GLB1L2: variants seen among roughly 807,000 people sequenced by gnomAD.
GLB1L2 encodes the protein galactosidase beta 1 like 2, also known as beta-galactosidase-1-like protein 2.
A neutral mutation model predicts 84.1 loss-of-function variants in GLB1L2; 68 were observed. The observed-to-expected ratio is 0.81, with a 90% CI of 0.67 to 0.99. The LOEUF (loss-of-function observed/expected upper bound fraction) is 0.99. Among genes scored for constraint, GLB1L2 ranks in the 50% least tolerant of loss-of-function variants. The pLI is 0.00. For missense variants in GLB1L2, 762 were observed against 805.6 expected (o/e 0.95, Z 0.66); for synonymous variants, 290 against 318.0 (o/e 0.91, Z 0.94).
intron 7 of GLB1L2, chr11:134,359,439 G>A: frequency 3.9e-6 from 1 of 258,798 alleles, no homozygotes; most frequent in Non-Finnish European, 7.3e-6. Flanking sequence ...GAACATCGCA[G>A]CTCCGTTCTT....
At chr11:134,340,961 C>T (rs1284243848) in intron 1 of GLB1L2, among the ~76,000 whole-genome samples, 1 of 152,220 alleles carries the variant, frequency 6.6e-6, no homozygotes, top group Non-Finnish European at 1.5e-5. Context: ...CTCTGGCCTA[C>T]AGGCTGTGTT....
intron 1 of GLB1L2, among the ~76,000 whole-genome samples, chr11:134,340,871 T>C (rs1194824268): frequency 2.6e-5 from 4 of 152,218 alleles, no homozygotes; most frequent in African/African-American, 9.6e-5. Flanking sequence ...CACTTAAAAA[T>C]GTGAAAGCTA....
chr11:134,350,552 C>T lies in GLB1L2; in HGVS notation c.558+3119C>T, dbSNP rs866502875. Among the ~76,000 whole-genome samples, 3 of 152,154 alleles carry T rather than the reference C, an allele frequency of 2.0e-5. No individual in the cohort carries two copies. In the East Asian group the frequency reaches 5.8e-4, roughly 29 times the overall value. ...GCTGTCTCTCTTGCCTGCCTTAATG[C>T]GTCTTTTGGTGATATGAAGTTAAAA... On this transcript the variant is annotated intron_variant, in intron 5 of 18. Transcript: ENST00000535456.
Position 134,338,806 on chromosome 11 carries a change from G to T in GLB1L2, c.87-3948G>T, listed in dbSNP as rs895236294. Reference sequence around the variant, plus strand: ...CTGTAGAGGTCTTGTTAGGTTGTGCGCGGCCCCATCAGAAGTCCTGATGTG... The same window carrying T: ...CTGTAGAGGTCTTGTTAGGTTGTGCTCGGCCCCATCAGAAGTCCTGATGTG... On this transcript the variant is annotated intron_variant, in intron 1 of 18. Coordinates refer to ENST00000535456, the MANE Select transcript of GLB1L2 (RefSeq NM_001370461.1). This position sits in a 1 kb window ranked among gnomAD's most constrained non-coding sequence, Gnocchi z 6.2. Among the ~76,000 whole-genome samples, 1 of 152,138 alleles carries T rather than the reference G, an allele frequency of 6.6e-6. No individual in the cohort carries two copies. Among genetic ancestry groups the T allele is most frequent in the African/African-American group, 2.4e-5 (1 of 41,430 alleles).
chr11:134,357,075 G>C (rs1302461038), intron 6 of GLB1L2, among the ~76,000 whole-genome samples: 1 of 152,146 alleles, frequency 6.6e-6, no homozygotes, highest in African/African-American at 2.4e-5. Context: ...CTAGTAAGTC[G>C]TCAATAAATA....
rs906911015 is a variant in GLB1L2 at position 134,334,582 on chromosome 11, C to T, written c.86+2435C>T. 6.6e-6 allele frequency among the ~76,000 whole-genome samples: 1 copy of T among 152,030 alleles called. No homozygotes were observed. Among genetic ancestry groups the T allele is most frequent in the Non-Finnish European group, 1.5e-5 (1 of 68,002 alleles). ...TCTAAATCCAGCTGTGAATCTATCA[C>T]CACAGTTAAGATTGTGAAAACAGCC... On this transcript the variant is annotated intron_variant, in intron 1 of 18. Transcript: ENST00000535456. This position sits in a 1 kb window ranked among gnomAD's most constrained non-coding sequence, Gnocchi z 4.1.
chr11:134,343,569 G>A (rs1489997317), intron 2 of GLB1L2, among the ~76,000 whole-genome samples: 2 of 152,182 alleles, frequency 1.3e-5, no homozygotes, highest in South Asian at 2.1e-4. Flanking sequence ...TCCATGTTTA[G>A]GCAAAAATAT....
Position 134,342,925 on chromosome 11 carries a change from G to A in GLB1L2, c.258G>A (p.Lys86=), listed in dbSNP as rs759535734. ...GGAGGGACCGCCTGCTGAAGATGAA[G>A]GCCTGTGGCTTGAACACCCTCACCA... The part of the protein sequence containing the change: ...EYWRDRLLKM[K]ACGLNTLTTY... Residue 86 remains lysine, a synonymous_variant, in exon 2 of 19, where the codon AAG becomes AAA. Coordinates refer to ENST00000535456, the MANE Select transcript of GLB1L2 (RefSeq NM_001370461.1). 7 of 1,613,694 alleles carry A rather than the reference G, an allele frequency of 4.3e-6. No individual in the cohort carries two copies. The highest frequency in any genetic ancestry group is 2.2e-5 in the South Asian group (2 of 91,034).
chr11:134,371,434 C>T lies in GLB1L2; in HGVS notation c.1370C>T (p.Thr457Ile). ...VHDRGQVFVN[T>I]VSIGFLDYKT... is the part of the protein sequence containing the mutation. ...TCCCTTTGGCAGGTGTTTGTGAACA[C>T]AGTATCCATAGGATTCTTGGACTAC... The change falls in exon 14 of 19, where the codon ACA becomes ATA. Residue 457 changes from threonine (T) to isoleucine (I), a missense_variant. Physicochemically the swap from Thr to Ile is moderately conservative, Grantham distance 89 (BLOSUM62 -1). Transcript: ENST00000535456. The T allele has an allele frequency of 6.3e-7, 1 of 1,589,976 alleles. No individual in the cohort carries two copies. The highest frequency in any genetic ancestry group is 8.6e-7 in the Non-Finnish European group (1 of 1,157,904).
In GLB1L2 at chr11:134,356,407, T is replaced by G; in HGVS notation, c.651+14T>G. 1 of 1,585,250 alleles carries G rather than the reference T, an allele frequency of 6.3e-7. No individual in the cohort carries two copies. The highest frequency in any genetic ancestry group is 8.7e-7 in the Non-Finnish European group (1 of 1,154,108). Reference sequence around the variant, plus strand: ...TACGTCAAGAAGGTAAGAATCCTCTTAGTGCGTTTCTTTAGATTCCTTCCT... The same window carrying G: ...TACGTCAAGAAGGTAAGAATCCTCTGAGTGCGTTTCTTTAGATTCCTTCCT... On this transcript the variant is annotated intron_variant, in intron 6 of 18. Coordinates refer to ENST00000535456, the MANE Select transcript of GLB1L2 (RefSeq NM_001370461.1).
At chr11:134,336,042 T>C (rs946141295) in intron 1 of GLB1L2, among the ~76,000 whole-genome samples, 3 of 152,210 alleles carry the variant, frequency 2.0e-5, no homozygotes, top group Non-Finnish European at 4.4e-5. Flanking sequence ...AGAGTTCTCA[T>C]GTGTGGATGT....
In GLB1L2 at chr11:134,339,501, C is replaced by T. The variant is rs1591609698; in HGVS notation, c.87-3253C>T. Among the ~76,000 whole-genome samples, 1 of 152,032 alleles carries T rather than the reference C, an allele frequency of 6.6e-6. No individual in the cohort carries two copies. The highest frequency in any genetic ancestry group is 2.4e-5 in the African/African-American group (1 of 41,388). On this transcript the variant is annotated intron_variant, in intron 1 of 18. Coordinates refer to ENST00000535456, the MANE Select transcript of GLB1L2 (RefSeq NM_001370461.1). This position sits in a 1 kb window ranked among gnomAD's most constrained non-coding sequence, Gnocchi z 5.7. The stretch of plus-strand genomic sequence containing the variant: ...TATTGACAACTTCTCTAGTAACCTA[C>T]CAGAAAATTCCCATGAAGAAACAGT...
rs748465458 is a variant in GLB1L2 at position 134,371,459 on chromosome 11, C to A, written c.1395C>A (p.Tyr465Ter). ...CAGTATCCATAGGATTCTTGGACTA[C>A]AAGACAACGAAGATTGCTGTCCCCC... is the stretch of plus-strand genomic sequence containing the variant. Reference protein sequence around the residue: ...VNTVSIGFLDYKTTKIAVPLI... With the variant: ...VNTVSIGFLD The change falls in exon 14 of 19, where the codon TAC (tyrosine) becomes TAA (stop). Residue 465 changes from tyrosine to a stop codon, truncating the protein, a stop_gained. Transcript: ENST00000535456. LOFTEE classifies it high-confidence loss of function. 2 of 1,601,454 alleles carry A rather than the reference C, an allele frequency of 1.2e-6. No individual in the cohort carries two copies. Among genetic ancestry groups the A allele is most frequent in the Non-Finnish European group, 8.6e-7 (1 of 1,168,476 alleles).
intron 8 of GLB1L2, among the ~76,000 whole-genome samples, chr11:134,365,885 C>T (rs559637075): frequency 9.2e-5 from 14 of 152,274 alleles, no homozygotes; most frequent in Middle Eastern, 3.4e-3. Flanking sequence ...GTCCATGACC[C>T]GTGATGGACA....
chr11:134,342,236 TG>T (rs1480902307), intron 1 of GLB1L2, among the ~76,000 whole-genome samples: 1 of 151,646 alleles, frequency 6.6e-6, no homozygotes, highest in Non-Finnish European at 1.5e-5. Flanking sequence ...GGTCACCTCG[TG>T]GGGGGTGCGC....
At chr11:134,358,475 G>T (rs979321115) in intron 6 of GLB1L2, among the ~76,000 whole-genome samples, 7 of 152,274 alleles carry the variant, frequency 4.6e-5, no homozygotes, top group African/African-American at 1.7e-4. Flanking sequence ...CTCAAGCACA[G>T]CGTTTCTTCC....
intron 5 of GLB1L2, chr11:134,355,918 G>A (rs1000265098): frequency 2.3e-6 from 1 of 435,264 alleles, no homozygotes; most frequent in Middle Eastern, 3.4e-4. Context: ...TTCCCCATGA[G>A]GGAGCGGGGA....
rs1416233645 is a variant in GLB1L2, at chr11:134,331,999, C to T, written c.-63C>T. On this transcript the variant is annotated 5_prime_UTR_variant, in exon 1 of 19. Coordinates refer to ENST00000535456, the MANE Select transcript of GLB1L2 (RefSeq NM_001370461.1). Reference sequence around the variant, plus strand: ...CGGCTCCGCCCCCCGCGGCGAGGCTCCCGCGCGCGGCTGAGTGCGGACTGG... The same window carrying T: ...CGGCTCCGCCCCCCGCGGCGAGGCTTCCGCGCGCGGCTGAGTGCGGACTGG... 15 of 1,202,444 alleles carry T rather than the reference C, an allele frequency of 1.2e-5. No homozygotes were observed. The highest frequency in any genetic ancestry group is 2.6e-5 in the Admixed American group (1 of 38,076). The allele number at this position is 1,202,444 out of a possible 1,614,324, so 74.5% of individuals were successfully genotyped here.
At chr11:134,371,868 C>G (rs1943958120) in intron 15 of GLB1L2, 38 bp downstream of exon 15, 1 of 1,580,604 alleles carries the variant, frequency 6.3e-7, no homozygotes, top group South Asian at 1.1e-5. Flanking sequence ...AGTGGCCATG[C>G]TGGACACACA....
Sources: gnomAD v4.1 joint callset for allele counts (sites outside exome capture counted in the v4.1 genomes callset) on GRCh38, gnomAD v4.1.1 for gene constraint, Gnocchi (gnomAD v3.1) non-coding constraint, MANE v1.5 for transcripts, NCBI Gene and HGNC (gene_info 2026-07-23, HGNC 2026-07-21) for gene names.